ITPR2: variants seen among roughly 807,000 people sequenced by gnomAD.
ITPR2 encodes inositol 1,4,5-trisphosphate-gated calcium channel ITPR2.
Under a neutral mutation model 317.1 loss-of-function variants are expected in ITPR2, and 207 were observed. That is an observed-to-expected ratio of 0.65 (90% CI 0.58 to 0.73). The LOEUF (loss-of-function observed/expected upper bound fraction) is 0.73. Among genes scored for constraint, ITPR2 ranks in the 30% least tolerant of loss-of-function variants. The probability of loss-of-function intolerance (pLI) is 0.00; values close to 1 mark genes in which losing one functional copy is unlikely to be tolerated. For synonymous variants in ITPR2, 1,156 were observed against 1,149.1 expected (o/e 1.01, Z -0.12); for missense variants, 2,613 against 3,284.0 (o/e 0.80, Z 4.99).
Position 26,724,819 on chromosome 12 carries a change from A to G in ITPR2, c.280-77T>C, listed in dbSNP as rs1948893394. ...AATAACTGACAAAGAAATTTTTTTT[A>G]GGAACAAGACTATAGCCAGGAATAA... On this transcript the variant is annotated intron_variant, in intron 3 of 56. Coordinates refer to ENST00000381340, the MANE Select transcript of ITPR2 (RefSeq NM_002223.4). The G allele has an allele frequency of 7.6e-6, 7 of 915,198 alleles. No homozygotes were observed. In the East Asian group the frequency reaches 1.8e-4, roughly 23 times the overall value. The allele number at this position is 915,198 out of a possible 1,614,324, so 56.7% of individuals were successfully genotyped here.
rs749269385 is a variant in ITPR2, at chr12:26,725,631, T to C, written c.279+19A>G. On this transcript the variant is annotated intron_variant, in intron 3 of 56. Coordinates refer to ENST00000381340, the MANE Select transcript of ITPR2 (RefSeq NM_002223.4). ...TACTTGGTTAGCCTAAGCCAGACAA[T>C]TGGAATCCTGGTCCTTACCTGTAGT... The C allele has an allele frequency of 3.9e-6, 6 of 1,550,122 alleles. No individual in the cohort carries two copies. The highest frequency in any genetic ancestry group is 1.7e-5 in the Admixed American group (1 of 59,720).
chr12:26,404,281 A>G (rs75412960), intron 52 of ITPR2, among the ~76,000 whole-genome samples: 2 of 152,194 alleles, frequency 1.3e-5, no homozygotes, highest in African/African-American at 2.4e-5. Context: ...GGATCGTCCC[A>G]TTAGACCATA....
intron 37 of ITPR2, among the ~76,000 whole-genome samples, chr12:26,500,446 G>T (rs559702484): frequency 1.3e-5 from 2 of 152,166 alleles, no homozygotes; most frequent in Non-Finnish European, 2.9e-5. Context: ...TCCCATGGAA[G>T]GTCTCTTTGC....
intron 1 of ITPR2, among the ~76,000 whole-genome samples, chr12:26,810,666 G>C (rs1458190045): frequency 6.6e-6 from 1 of 152,172 alleles, no homozygotes; most frequent in Non-Finnish European, 1.5e-5. Flanking sequence ...AAAAGGATGT[G>C]ATAGGAACTG....
intron 25 of ITPR2, among the ~76,000 whole-genome samples, chr12:26,621,763 G>A (rs1218907012): frequency 2.6e-5 from 4 of 152,068 alleles, no homozygotes; most frequent in African/African-American, 9.7e-5. Context: ...TGAAACATAT[G>A]TAAGCACTTA....
chr12:26,634,626 C>CTGTA (rs1179523469), intron 21 of ITPR2, among the ~76,000 whole-genome samples: 6 of 152,104 alleles, frequency 3.9e-5, no homozygotes, highest in African/African-American at 7.2e-5. Context: ...TGGCTCATGC[C>CTGTA]TGTAATCCTA....
At chr12:26,784,498 G>A (rs1475171612) in intron 2 of ITPR2, among the ~76,000 whole-genome samples, 4 of 151,038 alleles carry the variant, frequency 2.6e-5, no homozygotes, top group East Asian at 2.0e-4. Flanking sequence ...ACGCCGCCAC[G>A]CCTGACTGGT....
chr12:26,611,824 C>T (rs563835689), intron 26 of ITPR2, among the ~76,000 whole-genome samples: 31 of 152,300 alleles, frequency 2.0e-4, no homozygotes, highest in Middle Eastern at 3.4e-3. Context: ...GAGTTAATCT[C>T]TCCTTCCTAT....
chr12:26,523,021 A>G (rs7297828), intron 37 of ITPR2, among the ~76,000 whole-genome samples: 34,302 of 152,198 alleles, frequency 0.23, 4,160 homozygotes, highest in Non-Finnish European at 0.27. Context: ...GCATTGTCTC[A>G]CAAGGTCTTT....
rs144656946 is a variant in ITPR2, at chr12:26,488,730, A to G, written c.5371-1479T>C. ...AGATGATAAAGCCCAAATCTTTTCAATATAATGGGGTTAGAAGGTGGAAGG... is the reference window on the plus strand; with the variant it reads ...AGATGATAAAGCCCAAATCTTTTCAGTATAATGGGGTTAGAAGGTGGAAGG... On this transcript the variant is annotated intron_variant, in intron 39 of 56. Transcript: ENST00000381340. Among the ~76,000 whole-genome samples, 39 of 152,376 alleles carry G rather than the reference A, an allele frequency of 2.6e-4. 1 individual carries two copies. In the East Asian group the frequency reaches 7.1e-3, roughly 28 times the overall value.
chr12:26,681,698 C>T (rs1163903212), intron 13 of ITPR2, among the ~76,000 whole-genome samples, 176 bp downstream of exon 13: 1 of 152,172 alleles, frequency 6.6e-6, no homozygotes, highest in Non-Finnish European at 1.5e-5. Flanking sequence ...AGATTTAAAT[C>T]TGACAAATTT....
chr12:26,341,875 C>T (rs555513578), intron 55 of ITPR2, among the ~76,000 whole-genome samples: 1 of 152,210 alleles, frequency 6.6e-6, no homozygotes, highest in Non-Finnish European at 1.5e-5. Context: ...CCCACCCCAC[C>T]ACCTCTTACC....
chr12:26,643,918 A>T (rs917719345), intron 21 of ITPR2, among the ~76,000 whole-genome samples: 3 of 152,234 alleles, frequency 2.0e-5, no homozygotes, highest in Non-Finnish European at 4.4e-5. Context: ...ATTGAAAAAC[A>T]TGAAAAAGTC....
intron 37 of ITPR2, among the ~76,000 whole-genome samples, chr12:26,531,083 T>G (rs754016105): frequency 4.6e-5 from 7 of 152,228 alleles, no homozygotes; most frequent in Non-Finnish European, 5.9e-5. Context: ...TAAATACCCT[T>G]AAGAATAAGA....
intron 10 of ITPR2, among the ~76,000 whole-genome samples, chr12:26,687,587 T>C (rs766611590): frequency 4.6e-5 from 7 of 152,108 alleles, no homozygotes; most frequent in African/African-American, 9.7e-5. Flanking sequence ...CCCCTGATCA[T>C]CCCAGAACAT....
At chr12:26,817,932 C>T (rs1592158352) in intron 1 of ITPR2, among the ~76,000 whole-genome samples, 1 of 152,188 alleles carries the variant, frequency 6.6e-6, no homozygotes, top group South Asian at 2.1e-4. Flanking sequence ...TGTGGTCACA[C>T]CTGGCTACAA....
Position 26,335,538 on chromosome 12 carries a change from G to A in ITPR2, c.*3859C>T, listed in dbSNP as rs1360333681. Among the ~76,000 whole-genome samples, 1 of 152,182 alleles carries A rather than the reference G, an allele frequency of 6.6e-6. No individual in the cohort carries two copies. Among genetic ancestry groups the A allele is most frequent in the Non-Finnish European group, 1.5e-5 (1 of 68,032 alleles). On this transcript the variant is annotated 3_prime_UTR_variant, in exon 57 of 57. Transcript: ENST00000381340. ...AAGTCTGTGGAAACACTCCAGTTCA[G>A]AGAAGGGTACCTGGATTTGTTTTCA...
intron 1 of ITPR2, 63 bp downstream of exon 1, chr12:26,832,627 G>A (rs1271113088): frequency 1.5e-6 from 2 of 1,295,100 alleles, no homozygotes; most frequent in South Asian, 1.2e-5. Context: ...GGCGGAGGAG[G>A]GACAGGGACT....
chr12:26,651,957 C>A (rs531917581), intron 21 of ITPR2, among the ~76,000 whole-genome samples: 1 of 152,188 alleles, frequency 6.6e-6, no homozygotes, highest in Non-Finnish European at 1.5e-5. Context: ...TTACCTGCAA[C>A]CTTGTTCATC....
Sources: allele counts gnomAD v4.1 joint callset (sites outside exome capture counted in the v4.1 genomes callset), GRCh38; gene constraint gnomAD v4.1.1; transcripts MANE v1.5; gene names NCBI Gene and HGNC (gene_info 2026-07-23, HGNC 2026-07-21).